The following UBE3C variants were observed in gnomAD, a reference collection of about 807,000 sequenced individuals.
UBE3C encodes ubiquitin protein ligase E3C, also known as ubiquitin-protein ligase E3C.
UBE3C carries 42 observed loss-of-function variants against 129.4 expected under a neutral mutation model. That is an observed-to-expected ratio of 0.32 (90% CI 0.25 to 0.42). The LOEUF (loss-of-function observed/expected upper bound fraction) is 0.42, where lower values mean the gene tolerates loss of function less well. Ranked by LOEUF, UBE3C falls within the 10% of genes least tolerant of loss-of-function variation. The pLI is 1.00. For missense variants in UBE3C, 1,049 were observed against 1,319.1 expected, an observed-to-expected ratio of 0.80 and a Z score of 3.17; for synonymous variants, 510 against 492.4, an observed-to-expected ratio of 1.04 and a Z score of -0.47.
At chr7:157,189,096 T>TAATATA (rs1197827387) in intron 10 of UBE3C, 1 of 413,826 alleles carries the variant, frequency 2.4e-6, no homozygotes, top group Non-Finnish European at 4.3e-6. Flanking sequence ...GGAATATATA[T>TAATATA]TCATATTGCA....
intron 1 of UBE3C, among the ~76,000 whole-genome samples, chr7:157,157,036 G>A (rs1453989899): frequency 6.6e-6 from 1 of 152,096 alleles, no homozygotes; most frequent in Non-Finnish European, 1.5e-5. Context: ...TCCGGCCCAG[G>A]CGGTAGGAGG....
At chr7:157,221,945 C>T (rs1412459661) in intron 15 of UBE3C, 1 of 152,218 alleles carries the variant, frequency 6.6e-6, no homozygotes, top group Non-Finnish European at 1.5e-5. Flanking sequence ...TCACGGCTCA[C>T]TGCAGCCTTG....
At chr7:157,174,643 A>G (rs1808466408) in intron 4 of UBE3C, among the ~76,000 whole-genome samples, 1 of 152,030 alleles carries the variant, frequency 6.6e-6, no homozygotes, top group African/African-American at 2.4e-5. Context: ...TTGTAGAGAC[A>G]GGGTTTCACC....
Position 157,170,446 on chromosome 7 carries a change from G to A in UBE3C, c.338G>A (p.Arg113His), listed in dbSNP as rs372170201. 1.9e-5 allele frequency: 29 copies of A among 1,543,524 alleles called. No individual in the cohort carries two copies. The highest frequency in any genetic ancestry group is 3.8e-5 in the South Asian group (3 of 79,768). ...TACAAACAAAATGAAGACTCAAAAC[G>A]TTTGGTGAGTGTTAACTACATTTTC... ...FFYKQNEDSK[R>H]LIWLYQNLIK... is the part of the protein sequence containing the mutation. Residue 113 changes from arginine to histidine, a missense_variant, in exon 4 of 23, where the codon CGT becomes CAT. This residue lies in a region of UBE3C where 489 missense variants were observed against 513.8 expected (regional missense o/e 0.95). Coordinates refer to ENST00000348165, the MANE Select transcript of UBE3C (RefSeq NM_014671.3).
chr7:157,189,788 T>C (rs1012946708), intron 10 of UBE3C, among the ~76,000 whole-genome samples: 7 of 151,224 alleles, frequency 4.6e-5, no homozygotes, highest in Non-Finnish European at 1.5e-5. Context: ...AACTTCTTTT[T>C]GTATTCAGTT....
rs1359195761 is a variant in UBE3C, at chr7:157,181,664, G to T, written c.763G>T (p.Gly255Cys). ...LHFTYNSCPEGARQQVFTAFT... is the reference protein window; with the variant it reads ...LHFTYNSCPECARQQVFTAFT... ...CTTTACTTACAACTCCTGTCCGGAAGGTGCGAGGTGAGACTGGAATGGATT... is the reference window on the plus strand; with the variant it reads ...CTTTACTTACAACTCCTGTCCGGAATGTGCGAGGTGAGACTGGAATGGATT... The change falls in exon 7 of 23, where the codon GGT becomes TGT. Residue 255 changes from glycine to cysteine, a missense_variant. Gly to Cys is a radical substitution (Grantham distance 159). Around this residue, in one of 4 missense-constraint regions of UBE3C, gnomAD observed 489 missense variants for 513.8 expected, o/e 0.95. Transcript: ENST00000348165. 1 of 1,612,876 alleles carries T rather than the reference G, an allele frequency of 6.2e-7. No homozygotes were observed. The highest frequency in any genetic ancestry group is 8.5e-7 in the Non-Finnish European group (1 of 1,179,736).
intron 10 of UBE3C, chr7:157,189,182 G>C (rs757741519): frequency 2.0e-4 from 78 of 388,300 alleles, no homozygotes; most frequent in Admixed American, 3.1e-4. Context: ...GGAAGCTGGG[G>C]CTGGAGCAGA....
intron 19 of UBE3C, among the ~76,000 whole-genome samples, chr7:157,252,719 T>C (rs1355591702): frequency 1.3e-5 from 2 of 152,256 alleles, no homozygotes; most frequent in Admixed American, 1.3e-4. Context: ...GCAGCAGTCT[T>C]GTCTGTTACT....
chr7:157,248,560 A>G lies in UBE3C; in HGVS notation c.2674A>G (p.Asn892Asp). ...TGGGCTGAACTTCACTGTGGTGAACAATGACCTGGGAGAGGCGCAGGTGAG... is the reference window on the plus strand; with the variant it reads ...TGGGCTGAACTTCACTGTGGTGAACGATGACCTGGGAGAGGCGCAGGTGAG... ...ELGLNFTVVN[N>D]DLGEAQVVEL... The change falls in exon 19 of 23, where the codon AAT becomes GAT. Residue 892 changes from asparagine to aspartate, a missense_variant. Asn to Asp is a conservative substitution (Grantham distance 23, BLOSUM62 1). Coordinates refer to ENST00000348165, the MANE Select transcript of UBE3C (RefSeq NM_014671.3). The G allele has an allele frequency of 6.2e-7, 1 of 1,612,482 alleles. No individual in the cohort carries two copies. Among genetic ancestry groups the G allele is most frequent in the Non-Finnish European group, 8.5e-7 (1 of 1,180,012 alleles).
At chr7:157,170,500 T>G in intron 4 of UBE3C, 50 bp downstream of exon 4, 1 of 1,433,270 alleles carries the variant, frequency 7.0e-7, no homozygotes, top group Non-Finnish European at 9.2e-7. Flanking sequence ...GTGTTCTGCT[T>G]TTTTGTTTAA....
chr7:157,189,957 T>G (rs560813003), intron 10 of UBE3C, among the ~76,000 whole-genome samples: 3 of 152,106 alleles, frequency 2.0e-5, no homozygotes, highest in Non-Finnish European at 4.4e-5. Context: ...CCCATCACCA[T>G]GCCCAGCTAA....
intron 1 of UBE3C, among the ~76,000 whole-genome samples, chr7:157,161,423 A>G (rs1214098695): frequency 6.6e-6 from 1 of 151,474 alleles, no homozygotes; most frequent in Non-Finnish European, 1.5e-5. Flanking sequence ...TTTGATAGAA[A>G]GTATCTGGAG....
At chr7:157,177,591 C>T (rs1288475956) in intron 5 of UBE3C, among the ~76,000 whole-genome samples, 1 of 152,248 alleles carries the variant, frequency 6.6e-6, no homozygotes, top group Non-Finnish European at 1.5e-5. Flanking sequence ...AGCCCCGCTC[C>T]TCCTGCACTC....
intron 1 of UBE3C, among the ~76,000 whole-genome samples, chr7:157,157,255 C>A (rs949148227): frequency 1.3e-5 from 2 of 152,168 alleles, no homozygotes; most frequent in African/African-American, 4.8e-5. Context: ...TCCTAAGCTG[C>A]AGCTACTGAA....
intron 15 of UBE3C, chr7:157,222,620 C>T (rs943084009): frequency 2.6e-5 from 4 of 152,208 alleles, no homozygotes; most frequent in Non-Finnish European, 5.9e-5. Flanking sequence ...GAGGCAAGGT[C>T]TCTCTGTGAT....
At chr7:157,248,199 C>T (rs1481791462) in intron 18 of UBE3C, among the ~76,000 whole-genome samples, 169 bp from the exon 19 acceptor site, 1 of 152,176 alleles carries the variant, frequency 6.6e-6, no homozygotes, top group Non-Finnish European at 1.5e-5. Flanking sequence ...TGCACGGGAT[C>T]CTGGAGCACA....
intron 17 of UBE3C, among the ~76,000 whole-genome samples, chr7:157,227,292 C>T (rs1488601552): frequency 6.6e-6 from 1 of 152,134 alleles, no homozygotes; most frequent in Non-Finnish European, 1.5e-5. Flanking sequence ...GTGAGGGGAG[C>T]TCCGAGGGCA....
chr7:157,215,256 G>C (rs1408866953), intron 13 of UBE3C, among the ~76,000 whole-genome samples: 1 of 152,026 alleles, frequency 6.6e-6, no homozygotes, highest in Non-Finnish European at 1.5e-5. Flanking sequence ...GTAGTGGCCT[G>C]AGATATCAAC....
intron 11 of UBE3C, among the ~76,000 whole-genome samples, chr7:157,203,709 TA>T (rs990726923): frequency 1.3e-5 from 2 of 152,248 alleles, no homozygotes; most frequent in Admixed American, 1.3e-4. Flanking sequence ...CAAATCTTAT[TA>T]AAAGACAGTT....
Sources: allele counts gnomAD v4.1 joint callset (sites outside exome capture counted in the v4.1 genomes callset), GRCh38; gene constraint gnomAD v4.1.1; regional missense constraint gnomAD v4.1.1; transcripts MANE v1.5; gene names NCBI Gene and HGNC (gene_info 2026-07-23, HGNC 2026-07-21).